The following METTL24 variants were observed in gnomAD, a reference collection of about 807,000 sequenced individuals.
METTL24 encodes methyltransferase like 24.
In METTL24, 29 loss-of-function variants were observed where a neutral mutation model predicts 32.7. The ratio of observed to expected loss-of-function variants is 0.89; its 90% confidence interval spans 0.66 to 1.21. METTL24 has a LOEUF of 1.21. Among genes scored for constraint, METTL24 ranks in the 50% most tolerant of loss-of-function variants. METTL24 has a pLI of 0.00. For synonymous variants in METTL24, 163 were observed against 179.5 expected (o/e 0.91, Z 0.73); for missense variants, 439 against 468.1 (o/e 0.94, Z 0.57).
intron 3 of METTL24, among the ~76,000 whole-genome samples, chr6:110,312,984 G>A (rs56201089): frequency 0.13 from 20,451 of 152,174 alleles, 1,814 homozygotes; most frequent in African/African-American, 0.23. Flanking sequence ...TTGGTTACTT[G>A]GTGCACACCC....
chr6:110,356,600 G>T (rs1466660017), intron 1 of METTL24, among the ~76,000 whole-genome samples: 1 of 152,198 alleles, frequency 6.6e-6, no homozygotes, highest in Non-Finnish European at 1.5e-5. Context: ...CCGGATGCCT[G>T]TGCTAAGAGC....
intron 4 of METTL24, among the ~76,000 whole-genome samples, chr6:110,262,209 T>C (rs1010803318): frequency 6.6e-6 from 1 of 152,114 alleles, no homozygotes; most frequent in African/African-American, 2.4e-5. Flanking sequence ...ACAGAATTGA[T>C]AGACTGCTAG....
At chr6:110,293,951 A>C (rs1430718342) in intron 4 of METTL24, among the ~76,000 whole-genome samples, 1 of 151,676 alleles carries the variant, frequency 6.6e-6, no homozygotes, top group Non-Finnish European at 1.5e-5. Context: ...TTTAATAAGG[A>C]TATTTCCACT....
chr6:110,265,718 A>G (rs1770844814), intron 4 of METTL24, among the ~76,000 whole-genome samples: 1 of 152,122 alleles, frequency 6.6e-6, no homozygotes, highest in Admixed American at 6.6e-5. Flanking sequence ...CCAGGGGAGG[A>G]GGTAGGGAGA....
chr6:110,278,350 T>TC (rs1374187556), intron 4 of METTL24, among the ~76,000 whole-genome samples: 1 of 152,202 alleles, frequency 6.6e-6, no homozygotes, highest in Non-Finnish European at 1.5e-5. Context: ...CTCTGCACTT[T>TC]CCTCTTTGGA....
intron 4 of METTL24, among the ~76,000 whole-genome samples, chr6:110,274,987 C>T (rs1009302910): frequency 2.6e-5 from 4 of 151,012 alleles, no homozygotes; most frequent in Non-Finnish European, 5.9e-5. Context: ...TTTGTAGAGA[C>T]GGGGCTTTAC....
chr6:110,249,903 G>T (rs1778243814), intron 4 of METTL24, among the ~76,000 whole-genome samples: 1 of 152,058 alleles, frequency 6.6e-6, no homozygotes, highest in South Asian at 2.1e-4. Context: ...TATTAAAGGG[G>T]TCCTCCTATC....
chr6:110,253,826 C>G (rs941845772), intron 4 of METTL24: 2 of 1,277,696 alleles, frequency 1.6e-6, no homozygotes, highest in African/African-American at 3.1e-5. Context: ...TTTAACATAA[C>G]AGACTATGAA....
At chr6:110,293,418 T>C (rs1481765388) in intron 4 of METTL24, among the ~76,000 whole-genome samples, 3 of 152,062 alleles carry the variant, frequency 2.0e-5, no homozygotes, top group African/African-American at 4.8e-5. Context: ...AATTTTTTTG[T>C]ATACTGTACT....
At chr6:110,313,286 T>C (rs1771758815) in intron 3 of METTL24, among the ~76,000 whole-genome samples, 1 of 152,260 alleles carries the variant, frequency 6.6e-6, no homozygotes, top group Non-Finnish European at 1.5e-5. Flanking sequence ...ATACTCTAAA[T>C]GCCCTGACTT....
intron 1 of METTL24, among the ~76,000 whole-genome samples, chr6:110,353,606 G>A (rs1464394762): frequency 7.4e-6 from 1 of 135,258 alleles, no homozygotes; most frequent in African/African-American, 2.8e-5. Context: ...TGTAACTAAC[G>A]AACCAAGCCA....
intron 1 of METTL24, among the ~76,000 whole-genome samples, chr6:110,352,742 G>A (rs1235888580): frequency 1.3e-5 from 2 of 152,094 alleles, no homozygotes; most frequent in Non-Finnish European, 2.9e-5. Context: ...ACAGGCTCAT[G>A]TTACTTTCTA....
At chr6:110,345,692 C>T (rs1020375981) in intron 1 of METTL24, among the ~76,000 whole-genome samples, 2 of 152,102 alleles carry the variant, frequency 1.3e-5, no homozygotes, top group African/African-American at 2.4e-5. Context: ...AACCAAATAC[C>T]GTATATTCTC....
At chr6:110,265,378 G>A (rs761225301) in intron 4 of METTL24, among the ~76,000 whole-genome samples, 14 of 152,216 alleles carry the variant, frequency 9.2e-5, no homozygotes, top group Admixed American at 4.6e-4. Flanking sequence ...AATACATACC[G>A]TGGTTTAAAG....
chr6:110,322,566 T>G (rs936711777), intron 2 of METTL24, among the ~76,000 whole-genome samples: 2 of 152,232 alleles, frequency 1.3e-5, no homozygotes, highest in Non-Finnish European at 1.5e-5. Flanking sequence ...GGTGACACTC[T>G]TGGAGGAAGG....
intron 4 of METTL24, among the ~76,000 whole-genome samples, chr6:110,279,495 C>G (rs1476801973): frequency 2.0e-5 from 3 of 152,152 alleles, no homozygotes; most frequent in Non-Finnish European, 4.4e-5. Flanking sequence ...AGCCTTAAGA[C>G]TGTACCGTTT....
chr6:110,325,869 G>A (rs1170489856), intron 1 of METTL24, among the ~76,000 whole-genome samples: 2 of 152,186 alleles, frequency 1.3e-5, no homozygotes, highest in East Asian at 1.9e-4. Flanking sequence ...TGCAAATGGT[G>A]CAAACTTCCC....
intron 4 of METTL24, among the ~76,000 whole-genome samples, chr6:110,293,582 ACTC>A (rs1200975006): frequency 6.6e-6 from 1 of 151,816 alleles, no homozygotes; most frequent in Non-Finnish European, 1.5e-5. Flanking sequence ...CTTAATTTAT[ACTC>A]CTAAATTTTT....
intron 3 of METTL24, among the ~76,000 whole-genome samples, chr6:110,314,914 T>C (rs1771790344): frequency 6.6e-6 from 1 of 151,834 alleles, no homozygotes; most frequent in South Asian, 2.1e-4. Flanking sequence ...CAGTGAGCCG[T>C]GATCATGCCA....
Sources: allele counts gnomAD v4.1 joint callset (sites outside exome capture counted in the v4.1 genomes callset), GRCh38; gene constraint gnomAD v4.1.1; transcripts MANE v1.5; gene names NCBI Gene and HGNC (gene_info 2026-07-23, HGNC 2026-07-21).